ZDHHC21: variants seen among roughly 807,000 people sequenced by gnomAD.
ZDHHC21 encodes zDHHC palmitoyltransferase 21.
ZDHHC21 carries 15 observed loss-of-function variants against 34.6 expected under a neutral mutation model. That is an observed-to-expected ratio of 0.43 (90% CI 0.29 to 0.67). The LOEUF (loss-of-function observed/expected upper bound fraction) is 0.67, where lower values mean the gene tolerates loss of function less well. Among genes scored for constraint, ZDHHC21 ranks in the 30% least tolerant of loss-of-function variants. The pLI is 0.14. For missense variants in ZDHHC21, 344 were observed against 327.7 expected, an observed-to-expected ratio of 1.05 and a Z score of -0.38; for synonymous variants, 142 against 101.8, an observed-to-expected ratio of 1.40 and a Z score of -2.38.
the ZDHHC21 span, among the ~76,000 whole-genome samples, chr9:14,600,194 T>C: frequency 6.6e-6 from 1 of 152,174 alleles, no homozygotes; most frequent in African/African-American, 2.4e-5. Flanking sequence ...GGTATTCAAA[T>C]AGGAAGAGAG....
At chr9:14,593,046 A>C in the ZDHHC21 span, among the ~76,000 whole-genome samples, 9 of 152,122 alleles carry the variant, frequency 5.9e-5, no homozygotes, top group Non-Finnish European at 8.8e-5. Flanking sequence ...TTAAAAATCT[A>C]TATTAGAAAA....
intron 5 of ZDHHC21, among the ~76,000 whole-genome samples, chr9:14,664,794 G>A: frequency 6.6e-6 from 1 of 150,984 alleles, no homozygotes; most frequent in Non-Finnish European, 1.5e-5. Context: ...GGTCCTGTCT[G>A]TTAGAAGGAA....
intron 5 of ZDHHC21, among the ~76,000 whole-genome samples, chr9:14,663,372 G>A (rs1833742115): frequency 6.6e-6 from 1 of 151,850 alleles, no homozygotes; most frequent in African/African-American, 2.4e-5. Context: ...GCACATACTA[G>A]GTAGTCACTA....
the ZDHHC21 span, among the ~76,000 whole-genome samples, chr9:14,598,557 G>C: frequency 6.6e-6 from 1 of 152,088 alleles, no homozygotes; most frequent in East Asian, 1.9e-4. Context: ...GCAAGGAAAT[G>C]TGACATGTCC....
the ZDHHC21 span, among the ~76,000 whole-genome samples, chr9:14,602,259 A>G: frequency 6.6e-6 from 1 of 152,064 alleles, no homozygotes. Context: ...AGAAGAAAGA[A>G]TTTCTCAACT....
Position 14,672,931 on chromosome 9 carries a change from TTAAAA to T in ZDHHC21, c.155-8_155-4del. The T allele has an allele frequency of 6.5e-7, 1 of 1,530,520 alleles. No individual in the cohort carries two copies. Among genetic ancestry groups the T allele is most frequent in the Non-Finnish European group, 8.9e-7 (1 of 1,124,904 alleles). The allele number at this position is 1,530,520 out of a possible 1,614,324, so 94.8% of individuals were successfully genotyped here. ...GAATATGGAAATGCCATAGAATACT[TTAAAA>T]TAAATAAATTAAATAAATTAGTCAC... On this transcript the variant is annotated splice_region_variant and splice_polypyrimidine_tract_variant and intron_variant, in intron 4 of 9. Coordinates refer to ENST00000380916, the MANE Select transcript of ZDHHC21 (RefSeq NM_178566.6).
chr9:14,651,281 G>C (rs1044159006), intron 7 of ZDHHC21, among the ~76,000 whole-genome samples: 4 of 151,818 alleles, frequency 2.6e-5, no homozygotes, highest in African/African-American at 9.7e-5. Flanking sequence ...CAGATATTAT[G>C]ATGTTTAGTA....
At position 14,633,819 on chromosome 9, in the gene ZDHHC21, C is replaced by G. The variant is rs925169898; in HGVS notation, c.621+6077G>C. Among the ~76,000 whole-genome samples, 6 of 152,304 alleles carry G rather than the reference C, an allele frequency of 3.9e-5. No individual in the cohort carries two copies. The South Asian group carries it at 8.3e-4, about 21-fold the overall frequency. ...GAAGTACAAGCAAAGTGTGCAATCC[C>G]CAGCCCGCTGCATACAGCTGCAGCC... On this transcript the variant is annotated intron_variant, in intron 8 of 9. Transcript: ENST00000380916.
intron 8 of ZDHHC21, among the ~76,000 whole-genome samples, chr9:14,630,675 A>G (rs62532730): frequency 0.011 from 1,694 of 152,352 alleles, 20 homozygotes; most frequent in Middle Eastern, 0.034. Flanking sequence ...GGTAAGACTT[A>G]AAAGTTGAAA....
chr9:14,648,060 C>A (rs753329233), intron 7 of ZDHHC21, among the ~76,000 whole-genome samples: 17 of 152,042 alleles, frequency 1.1e-4, no homozygotes, highest in African/African-American at 3.9e-4. Flanking sequence ...CAGGCTCCCC[C>A]TCTCGGTAAC....
At chr9:14,605,995 T>C in the ZDHHC21 span, among the ~76,000 whole-genome samples, 2 of 152,102 alleles carry the variant, frequency 1.3e-5, no homozygotes, top group South Asian at 2.1e-4. Flanking sequence ...AACAAAAATA[T>C]CAAAGTTTTC....
chr9:14,682,729 T>A lies in ZDHHC21; in HGVS notation c.-175-2567A>T, dbSNP rs933778167. On this transcript the variant is annotated intron_variant, in intron 2 of 9. Transcript: ENST00000380916. ...AACTCTCCACCTCAAATCAACAGAA[T>A]ATACACCCTTCTCAGCACCACATCG... 7.2e-5 allele frequency among the ~76,000 whole-genome samples: 11 copies of A among 152,156 alleles called. No homozygotes were observed. The South Asian group carries it at 1.0e-3, about 14-fold the overall frequency.
At position 14,613,218 on chromosome 9, in the gene ZDHHC21, A is replaced by G. The variant is rs1346560834; in HGVS notation, c.*5748T>C. On this transcript the variant is annotated 3_prime_UTR_variant, in exon 10 of 10. Transcript: ENST00000380916. ...ATGCAAAAAATAAGATCTGTTAATC[A>G]AACTGTTCTTAGTAACATTAAATTC... 6.6e-6 allele frequency: 1 copy of G among 151,934 alleles called. No individual in the cohort carries two copies. Among genetic ancestry groups the G allele is most frequent in the African/African-American group, 2.4e-5 (1 of 41,430 alleles). 9.4% of individuals were successfully genotyped at this position (151,934 alleles called of 1,614,324 possible).
the ZDHHC21 span, among the ~76,000 whole-genome samples, chr9:14,604,935 T>C: frequency 6.6e-6 from 1 of 152,182 alleles, no homozygotes; most frequent in Non-Finnish European, 1.5e-5. Context: ...CTACATTAGA[T>C]ACTTCATATT....
intron 8 of ZDHHC21, among the ~76,000 whole-genome samples, chr9:14,631,863 A>T (rs1433282097): frequency 6.6e-6 from 1 of 152,194 alleles, no homozygotes; most frequent in African/African-American, 2.4e-5. Context: ...CCCCAAAATA[A>T]TTACAATAGT....
chr9:14,614,607 AG>A lies in ZDHHC21; in HGVS notation c.*4358del, dbSNP rs1790207081. On this transcript the variant is annotated 3_prime_UTR_variant, in exon 10 of 10. Transcript: ENST00000380916. Reference sequence around the variant, plus strand: ...TTCAACTGAGAATGACTAAATATAGAGCACAATGAAATCTGTGATTTATAAT... The same window carrying A: ...TTCAACTGAGAATGACTAAATATAGACACAATGAAATCTGTGATTTATAAT... 1 of 151,772 alleles carries A rather than the reference AG, an allele frequency of 6.6e-6. No homozygotes were observed. Among genetic ancestry groups the A allele is most frequent in the Admixed American group, 6.6e-5 (1 of 15,186 alleles). The allele number at this position is 151,772 out of a possible 1,614,324, so 9.4% of individuals were successfully genotyped here. A position where few individuals can be genotyped will look rare whatever the true frequency, so the allele number is the denominator to read the frequency against.
chr9:14,624,189 T>C (rs746879102), intron 8 of ZDHHC21, among the ~76,000 whole-genome samples: 30 of 152,152 alleles, frequency 2.0e-4, no homozygotes, highest in Non-Finnish European at 2.9e-4. Flanking sequence ...ATAAATAATC[T>C]AGAAGATGAA....
chr9:14,615,234 T>TGGAGTGAAA lies in ZDHHC21; in HGVS notation c.*3723_*3731dup, dbSNP rs1823963007. 6.6e-6 allele frequency: 1 copy of TGGAGTGAAA among 151,722 alleles called. No homozygotes were observed. Among genetic ancestry groups the TGGAGTGAAA allele is most frequent in the African/African-American group, 2.4e-5 (1 of 41,404 alleles). 9.4% of individuals were successfully genotyped at this position (151,722 alleles called of 1,614,324 possible). A position where few individuals can be genotyped will look rare whatever the true frequency, so the allele number is the denominator to read the frequency against. On this transcript the variant is annotated 3_prime_UTR_variant, in exon 10 of 10. Transcript: ENST00000380916. Reference sequence around the variant, plus strand: ...TAGCATTCAGAATTAATACACCCTTTGGAGTGAAACATATCACCCACTAGT... The same window carrying TGGAGTGAAA: ...TAGCATTCAGAATTAATACACCCTTTGGAGTGAAAGGAGTGAAACATATCACCCACTAGT...
At chr9:14,662,760 T>C (rs1191230792) in intron 5 of ZDHHC21, among the ~76,000 whole-genome samples, 1 of 152,202 alleles carries the variant, frequency 6.6e-6, no homozygotes, top group Admixed American at 6.5e-5. Context: ...TTCAATTGAT[T>C]AGTAAACTGA....
Sources: gnomAD v4.1 joint callset for allele counts (sites outside exome capture counted in the v4.1 genomes callset) on GRCh38, gnomAD v4.1.1 for gene constraint, MANE v1.5 for transcripts, NCBI Gene and HGNC (gene_info 2026-07-23, HGNC 2026-07-21) for gene names.